The following ABL1 variants were observed in gnomAD, a reference collection of about 807,000 sequenced individuals.
ABL1 encodes the protein ABL proto-oncogene 1, non-receptor tyrosine kinase.
In ABL1, 11 loss-of-function variants were observed where a neutral mutation model predicts 94.7. That is an observed-to-expected ratio of 0.12 (90% CI 0.07 to 0.19). The LOEUF (loss-of-function observed/expected upper bound fraction) is 0.19. Ranked by LOEUF, ABL1 falls within the 10% of genes least tolerant of loss-of-function variation. The pLI, the probability that ABL1 is intolerant of heterozygous loss-of-function variation, is 1.00. For missense variants in ABL1, 1,082 were observed against 1,489.4 expected (o/e 0.73, Z 4.50); for synonymous variants, 656 against 622.4 (o/e 1.05, Z -0.80).
chr9:130,836,215 G>T (rs948313240), intron 1 of ABL1, among the ~76,000 whole-genome samples: 1 of 152,240 alleles, frequency 6.6e-6, no homozygotes, highest in African/African-American at 2.4e-5. Context: ...GAGTACTGGG[G>T]TGTCATGTTC....
intron 1 of ABL1, among the ~76,000 whole-genome samples, chr9:130,725,778 T>C (rs776594605): frequency 6.7e-5 from 10 of 148,814 alleles, no homozygotes; most frequent in East Asian, 2.0e-4. Flanking sequence ...TATATATATA[T>C]ACACACCAAA....
At chr9:130,830,188 G>A (rs895612552) in intron 1 of ABL1, among the ~76,000 whole-genome samples, 2 of 152,090 alleles carry the variant, frequency 1.3e-5, no homozygotes, top group Non-Finnish European at 2.9e-5. Flanking sequence ...TTAACAGTTA[G>A]GTTTAGACTT....
chr9:130,755,717 T>G (rs10793969), intron 1 of ABL1, among the ~76,000 whole-genome samples: 1 of 151,984 alleles, frequency 6.6e-6, no homozygotes, highest in Non-Finnish European at 1.5e-5. Flanking sequence ...GAACTCTGTT[T>G]TCTTGAGCAA....
chr9:130,738,654 G>A (rs545985205), intron 1 of ABL1, among the ~76,000 whole-genome samples: 1 of 152,232 alleles, frequency 6.6e-6, no homozygotes, highest in South Asian at 2.1e-4. Flanking sequence ...CAGTGTCCTC[G>A]TGGAACTTAA....
In ABL1 at chr9:130,884,170, A is replaced by G; in HGVS notation, c.1880A>G (p.Gln627Arg). Residue 627 changes from glutamine (Q) to arginine (R), a missense_variant, in exon 11 of 11, where the codon CAG becomes CGG. Coordinates refer to ENST00000318560, the MANE Select transcript of ABL1 (RefSeq NM_005157.6). This position sits in a 1 kb window ranked among gnomAD's most constrained non-coding sequence, Gnocchi z 5.6. ...AGCTCCTTCCGGGAGATGGACGGCC[A>G]GCCGGAGCGCAGAGGGGCCGGCGAG... ...RSSSFREMDG[Q>R]PERRGAGEEE... is the part of the protein sequence containing the mutation. The G allele has an allele frequency of 1.2e-6, 2 of 1,613,022 alleles. No homozygotes were observed. The highest frequency in any genetic ancestry group is 1.7e-6 in the Non-Finnish European group (2 of 1,179,882).
intron 1 of ABL1, among the ~76,000 whole-genome samples, chr9:130,787,369 T>C (rs1284398549): frequency 6.6e-6 from 1 of 152,116 alleles, no homozygotes; most frequent in Non-Finnish European, 1.5e-5. Flanking sequence ...TGTGTGTGTG[T>C]GGTGTGAGCT....
At chr9:130,883,817 T>G in intron 10 of ABL1, 152 bp from the exon 11 acceptor site, 2 of 920,402 alleles carry the variant, frequency 2.2e-6, no homozygotes, top group Non-Finnish European at 3.1e-6. Context: ...ACAATTTTTT[T>G]GTTTGTTTGT....
At chr9:130,846,814 T>C (rs1450384870) in intron 1 of ABL1, among the ~76,000 whole-genome samples, 1 of 152,260 alleles carries the variant, frequency 6.6e-6, no homozygotes, top group East Asian at 1.9e-4. Context: ...AGATATGCCA[T>C]GTCCGAGAAT....
rs200061725 is a variant in ABL1, at chr9:130,799,604, T to G, written c.137-54460T>G. Among the ~76,000 whole-genome samples the G allele has an allele frequency of 6.3e-4, 96 of 152,322 alleles. 1 individual carries two copies. Among genetic ancestry groups the G allele is most frequent in the African/African-American group, 2.2e-3 (90 of 41,566 alleles). On this transcript the variant is annotated intron_variant, in intron 1 of 10. Transcript: ENST00000372348. ...AATGGCACTTCCTTAAAAGGTTTGA[T>G]GGGATTTCAATGGAATATTGCATAG...
intron 1 of ABL1, among the ~76,000 whole-genome samples, chr9:130,734,191 A>C (rs1242399141): frequency 6.6e-6 from 1 of 150,940 alleles, no homozygotes; most frequent in African/African-American, 2.4e-5. Context: ...ATTTCGTGGT[A>C]TGATTTTTAA....
chr9:130,849,551 A>C (rs1050189249), intron 1 of ABL1, among the ~76,000 whole-genome samples: 16 of 151,800 alleles, frequency 1.1e-4, no homozygotes, highest in Admixed American at 9.8e-4. Flanking sequence ...ACGATGTCTC[A>C]CTCTGTTGCC....
intron 1 of ABL1, among the ~76,000 whole-genome samples, chr9:130,819,005 A>G (rs1830324715): frequency 6.6e-6 from 1 of 151,982 alleles, no homozygotes; most frequent in South Asian, 2.1e-4. Context: ...TCAGTGTCTG[A>G]TTCTCCCTCT....
intron 1 of ABL1, among the ~76,000 whole-genome samples, chr9:130,828,221 C>A (rs1830451299): frequency 6.6e-6 from 1 of 152,090 alleles, no homozygotes; most frequent in African/African-American, 2.4e-5. Context: ...CACCACCACA[C>A]CTGGCTAATT....
chr9:130,849,830 T>G (rs1588266715), intron 1 of ABL1, among the ~76,000 whole-genome samples: 1 of 152,184 alleles, frequency 6.6e-6, no homozygotes, highest in Non-Finnish European at 1.5e-5. Flanking sequence ...AATGATAATG[T>G]AAATTTTTTG....
upstream of ABL1, chr9:130,834,010 C>T (rs1037823540): frequency 6.6e-6 from 3 of 455,934 alleles, no homozygotes; most frequent in East Asian, 6.9e-5. Context: ...ATCCACTGGT[C>T]GGGAGCCTGA....
chr9:130,788,855 C>G (rs957461613), intron 1 of ABL1, among the ~76,000 whole-genome samples: 6 of 152,198 alleles, frequency 3.9e-5, no homozygotes, highest in Non-Finnish European at 8.8e-5. Context: ...CATGGTGTTA[C>G]ATCCATTTGC....
At chr9:130,759,737 C>T (rs531441112) in intron 1 of ABL1, among the ~76,000 whole-genome samples, 12 of 152,078 alleles carry the variant, frequency 7.9e-5, no homozygotes, top group African/African-American at 2.4e-4. Context: ...GTGGTGGAGC[C>T]GGTATAGGAG....
chr9:130,883,986 C>T lies in ABL1; in HGVS notation c.1696C>T (p.Pro566Ser), dbSNP rs780626314. 3.1e-6 allele frequency: 5 copies of T among 1,612,440 alleles called. No homozygotes were observed. The highest frequency in any genetic ancestry group is 4.2e-6 in the Non-Finnish European group (5 of 1,179,536). ...CGTTTCAGATCCTCTGGACCATGAG[C>T]CTGCCGTGTCTCCATTGCTCCCTCG... ...QGESDPLDHE[P>S]AVSPLLPRKE... Residue 566 changes from proline (P) to serine (S), a missense_variant, in exon 11 of 11, where the codon CCT becomes TCT. Physicochemically the swap from Pro to Ser is moderately conservative, Grantham distance 74. Around this residue, in one of 7 missense-constraint regions of ABL1, gnomAD observed 780 missense variants for 835.8 expected, o/e 0.93. Transcript: ENST00000318560.
At chr9:130,790,023 C>T (rs1436021574) in intron 1 of ABL1, among the ~76,000 whole-genome samples, 1 of 152,222 alleles carries the variant, frequency 6.6e-6, no homozygotes, top group African/African-American at 2.4e-5. Context: ...AGAATCTTCA[C>T]AATTGATGAA....
Sources: allele counts gnomAD v4.1 joint callset (sites outside exome capture counted in the v4.1 genomes callset), GRCh38; gene constraint gnomAD v4.1.1; regional missense constraint gnomAD v4.1.1; non-coding constraint Gnocchi (gnomAD v3.1); transcripts MANE v1.5; gene names NCBI Gene and HGNC (gene_info 2026-07-23, HGNC 2026-07-21).